Variants in POLQ observed in about 807,000 individuals in gnomAD.
POLQ encodes the protein DNA polymerase theta.
In POLQ, 233 loss-of-function variants were observed where a neutral mutation model predicts 259.2. The ratio of observed to expected loss-of-function variants is 0.90; its 90% CI spans 0.81 to 1.00. The LOEUF (loss-of-function observed/expected upper bound fraction) is 1.00. Ranked by LOEUF, POLQ falls within the 50% of genes least tolerant of loss-of-function variation. POLQ has a pLI of 0.00. For missense variants in POLQ, 2,871 were observed against 3,051.6 expected (o/e 0.94, Z 1.39); for synonymous variants, 1,025 against 1,048.8 (o/e 0.98, Z 0.44).
chr3:121,479,901 G>C (rs1416720593), intron 19 of POLQ, among the ~76,000 whole-genome samples: 1 of 152,060 alleles, frequency 6.6e-6, no homozygotes, highest in Non-Finnish European at 1.5e-5. Flanking sequence ...AGAAATCAAG[G>C]AAATACAAAA....
chr3:121,471,394 C>T (rs893559797), intron 22 of POLQ, among the ~76,000 whole-genome samples: 1 of 152,116 alleles, frequency 6.6e-6, no homozygotes, highest in African/African-American at 2.4e-5. Flanking sequence ...CCTGTGTATA[C>T]TCACATTGAA....
At chr3:121,509,251 G>A (rs899205491) in intron 12 of POLQ, among the ~76,000 whole-genome samples, 1 of 152,020 alleles carries the variant, frequency 6.6e-6, no homozygotes, top group African/African-American at 2.4e-5. Flanking sequence ...ATCATGATCC[G>A]ATCTTTAATT....
chr3:121,465,696 T>G (rs1015474158), intron 24 of POLQ, among the ~76,000 whole-genome samples: 1 of 152,208 alleles, frequency 6.6e-6, no homozygotes, highest in African/African-American at 2.4e-5. Context: ...TTACTATTAT[T>G]ACAATCCATG....
At chr3:121,541,591 A>G (rs1452677772) in intron 2 of POLQ, 112 bp from the exon 3 acceptor site, 1 of 880,954 alleles carries the variant, frequency 1.1e-6, no homozygotes, top group East Asian at 2.6e-5. Flanking sequence ...CTAACCAATC[A>G]CTAAGGGCCC....
chr3:121,478,576 T>TA (rs143898506), intron 19 of POLQ, among the ~76,000 whole-genome samples: 1,049 of 77,350 alleles, frequency 0.014, 20 homozygotes, highest in African/African-American at 0.047. Flanking sequence ...GGCAAATTTG[T>TA]AAAAAAAAAA....
intron 24 of POLQ, among the ~76,000 whole-genome samples, chr3:121,465,455 T>A (rs1226134928): frequency 6.6e-6 from 1 of 152,180 alleles, no homozygotes; most frequent in South Asian, 2.1e-4. Flanking sequence ...AAAACATAAG[T>A]TTTATAAAAT....
chr3:121,539,205 C>G (rs542384474), intron 4 of POLQ, among the ~76,000 whole-genome samples: 1 of 152,264 alleles, frequency 6.6e-6, no homozygotes, highest in South Asian at 2.1e-4. Flanking sequence ...AGGATATAAT[C>G]TACGTTTTGT....
intron 27 of POLQ, among the ~76,000 whole-genome samples, chr3:121,437,478 A>G (rs2047553920): frequency 6.6e-6 from 1 of 152,254 alleles, no homozygotes; most frequent in South Asian, 2.1e-4. Flanking sequence ...CCAAGGAAAC[A>G]CAAATTAAAA....
At chr3:121,526,912 T>C (rs750318483) in intron 7 of POLQ, among the ~76,000 whole-genome samples, 32 of 152,174 alleles carry the variant, frequency 2.1e-4, no homozygotes, top group Non-Finnish European at 4.4e-4. Flanking sequence ...CGCACGTGCA[T>C]CTGTGGCGAC....
chr3:121,485,003 T>A, intron 17 of POLQ, 38 bp downstream of exon 17: 2 of 1,491,272 alleles, frequency 1.3e-6, no homozygotes, highest in Non-Finnish European at 1.8e-6. Context: ...GATGTTACAG[T>A]AATTACATAG....
chr3:121,532,843 T>A (rs1213766424), intron 6 of POLQ, 147 bp downstream of exon 6: 3 of 596,234 alleles, frequency 5.0e-6, no homozygotes, highest in Non-Finnish European at 8.8e-6. Flanking sequence ...CACCACCAAT[T>A]CTTTAAGAGG....
At chr3:121,522,635 C>A (rs920743294) in intron 7 of POLQ, among the ~76,000 whole-genome samples, 2 of 152,054 alleles carry the variant, frequency 1.3e-5, no homozygotes, top group African/African-American at 2.4e-5. Flanking sequence ...AATACTGATG[C>A]CTGGTTCTTA....
At chr3:121,439,595 ACTGG>A (rs1277570570) in intron 27 of POLQ, among the ~76,000 whole-genome samples, 1 of 152,206 alleles carries the variant, frequency 6.6e-6, no homozygotes, top group Non-Finnish European at 1.5e-5. Flanking sequence ...AAATTTAGTG[ACTGG>A]CTAATCTCTG....
intron 11 of POLQ, 56 bp downstream of exon 11, chr3:121,509,983 A>C: frequency 1.3e-5 from 18 of 1,347,906 alleles, no homozygotes; most frequent in Non-Finnish European, 1.8e-5. Flanking sequence ...GAGCAGTCAT[A>C]CAACCTCACT....
At chr3:121,452,654 C>A (rs1390995363) in intron 25 of POLQ, among the ~76,000 whole-genome samples, 2 of 152,022 alleles carry the variant, frequency 1.3e-5, no homozygotes, top group African/African-American at 4.8e-5. Context: ...TTGTCTCCGG[C>A]GGATAAGTGT....
At chr3:121,483,940 C>G (rs3772124) in intron 17 of POLQ, among the ~76,000 whole-genome samples, 105,099 of 152,024 alleles carry the variant, frequency 0.69, 36,524 homozygotes, top group East Asian at 0.89. Flanking sequence ...AGTATGAACA[C>G]ATACTATTCT....
At chr3:121,486,423 A>G (rs1363503288) in intron 16 of POLQ, among the ~76,000 whole-genome samples, 1 of 152,116 alleles carries the variant, frequency 6.6e-6, no homozygotes, top group Non-Finnish European at 1.5e-5. Context: ...GCATGATGGC[A>G]TGCACCTGTA....
At chr3:121,491,906 G>A (rs2048071533) in intron 15 of POLQ, among the ~76,000 whole-genome samples, 1 of 152,120 alleles carries the variant, frequency 6.6e-6, no homozygotes, top group South Asian at 2.1e-4. Flanking sequence ...TCCGCCTCCT[G>A]TCAGATCAGC....
At chr3:121,471,382 T>C (rs2047882283) in intron 22 of POLQ, among the ~76,000 whole-genome samples, 1 of 152,154 alleles carries the variant, frequency 6.6e-6, no homozygotes, top group Non-Finnish European at 1.5e-5. Flanking sequence ...AAATATTTAA[T>C]TCCTGTGTAT....
Sources: gnomAD v4.1 joint callset for allele counts (sites outside exome capture counted in the v4.1 genomes callset) on GRCh38, gnomAD v4.1.1 for gene constraint, MANE v1.5 for transcripts, NCBI Gene and HGNC (gene_info 2026-07-23, HGNC 2026-07-21) for gene names.